RIMBP2: variants seen among roughly 807,000 people sequenced by gnomAD.
The protein encoded by RIMBP2 is RIMS-binding protein 2.
Under a neutral mutation model 118.6 loss-of-function variants are expected in RIMBP2, and 48 were observed. The ratio of observed to expected loss-of-function variants is 0.40; its 90% CI spans 0.32 to 0.51. RIMBP2 has a LOEUF of 0.51. RIMBP2 is among the 20% of genes least tolerant of loss of function. RIMBP2 has a pLI of 0.41. For synonymous variants in RIMBP2, 762 were observed against 742.9 expected (o/e 1.03, Z -0.42); for missense variants, 1,551 against 1,768.3 (o/e 0.88, Z 2.20).
At chr12:130,487,761 T>C (rs11060943) in intron 4 of RIMBP2, among the ~76,000 whole-genome samples, 1 of 152,152 alleles carries the variant, frequency 6.6e-6, no homozygotes, top group African/African-American at 2.4e-5. Flanking sequence ...ATCACAGGAC[T>C]TGTTTCCCTG....
intron 6 of RIMBP2, among the ~76,000 whole-genome samples, chr12:130,468,772 T>G (rs2080742311): frequency 6.6e-6 from 1 of 152,152 alleles, no homozygotes; most frequent in East Asian, 1.9e-4. Flanking sequence ...TCTCAACAAC[T>G]CTGGCCCAAG....
At position 130,442,685 on chromosome 12, in the gene RIMBP2, T is replaced by C. The variant is rs2078227581; in HGVS notation, c.692-25A>G. On this transcript the variant is annotated intron_variant, in intron 10 of 22. Transcript: ENST00000690449. This position sits in a 1 kb window ranked among gnomAD's most constrained non-coding sequence, Gnocchi z 6.9. ...CCTGTTGGGTACAAGGACAGAGTTA[T>C]CACCCAGCCAACACAGCAGGGGCCT... 3.8e-6 allele frequency: 6 copies of C among 1,596,776 alleles called. No homozygotes were observed. The highest frequency in any genetic ancestry group is 5.1e-6 in the Non-Finnish European group (6 of 1,168,946).
At chr12:130,627,112 G>A (rs573498696) in intron 2 of RIMBP2, among the ~76,000 whole-genome samples, 26 of 151,806 alleles carry the variant, frequency 1.7e-4, no homozygotes, top group East Asian at 1.2e-3. Flanking sequence ...TACAACTACC[G>A]CCAGCATCAT....
chr12:130,618,424 G>A (rs944273925), intron 2 of RIMBP2, among the ~76,000 whole-genome samples: 3 of 152,160 alleles, frequency 2.0e-5, no homozygotes, highest in South Asian at 2.1e-4. Flanking sequence ...GCCCCACAGC[G>A]GATCCTACTG....
In RIMBP2 at chr12:130,422,615, G is replaced by C; in HGVS notation, c.3130-54C>G. 7.8e-7 allele frequency: 1 copy of C among 1,273,978 alleles called. No individual in the cohort carries two copies. Among genetic ancestry groups the C allele is most frequent in the Non-Finnish European group, 1.1e-6 (1 of 897,264 alleles). The allele number at this position is 1,273,978 out of a possible 1,614,324, so 78.9% of individuals were successfully genotyped here. ...AGTCTCGCCAGCATTGGGAACTGAA[G>C]AATTCAGTTAGCCAAATCAAGCGGG... On this transcript the variant is annotated intron_variant, in intron 16 of 22. Transcript: ENST00000690449. This position sits in a 1 kb window ranked among gnomAD's most constrained non-coding sequence, Gnocchi z 5.2.
At chr12:130,498,113 AG>A (rs2049366824) in intron 4 of RIMBP2, among the ~76,000 whole-genome samples, 1 of 151,788 alleles carries the variant, frequency 6.6e-6, no homozygotes, top group African/African-American at 2.4e-5. Context: ...TTCTCCATGA[AG>A]GCAGCACTGA....
intron 1 of RIMBP2, among the ~76,000 whole-genome samples, chr12:130,713,034 T>A: frequency 6.8e-6 from 1 of 146,232 alleles, no homozygotes; most frequent in Non-Finnish European, 1.5e-5. Context: ...AGAGAGAGAC[T>A]GAGAGAGGGA....
At chr12:130,634,881 G>C (rs991701817) in intron 1 of RIMBP2, among the ~76,000 whole-genome samples, 1 of 152,112 alleles carries the variant, frequency 6.6e-6, no homozygotes, top group African/African-American at 2.4e-5. Context: ...TTACAGGCCT[G>C]AGCCACCACA....
At chr12:130,629,973 T>A (rs1306961381) in intron 1 of RIMBP2, among the ~76,000 whole-genome samples, 2 of 44,342 alleles carry the variant, frequency 4.5e-5, no homozygotes, top group African/African-American at 9.6e-5. Flanking sequence ...CAATCAAGCT[T>A]TAAAAAAAAA....
intron 1 of RIMBP2, among the ~76,000 whole-genome samples, chr12:130,713,453 G>C (rs192162676): frequency 1.8e-4 from 27 of 152,314 alleles, no homozygotes; most frequent in African/African-American, 6.3e-4. Context: ...CCACACCATA[G>C]GGGATCAGAC....
intron 2 of RIMBP2, among the ~76,000 whole-genome samples, chr12:130,619,113 G>A (rs1192085755): frequency 6.6e-6 from 1 of 152,180 alleles, no homozygotes; most frequent in African/African-American, 2.4e-5. Context: ...TTCCCATTAT[G>A]TTAGTGTTAA....
At chr12:130,478,399 T>C (rs937064226) in intron 5 of RIMBP2, among the ~76,000 whole-genome samples, 19 of 152,214 alleles carry the variant, frequency 1.2e-4, no homozygotes, top group Non-Finnish European at 2.6e-4. Flanking sequence ...CTGGTGTGGA[T>C]GGACCATGGT....
intron 15 of RIMBP2, chr12:130,425,458 A>G (rs4759461): frequency 0.27 from 40,942 of 152,314 alleles, 6,345 homozygotes; most frequent in East Asian, 0.64. Flanking sequence ...CCCCACCAAC[A>G]GCGCCCGCAC....
At position 130,683,605 on chromosome 12, in the gene RIMBP2, C is replaced by T. The variant is rs2064903523; in HGVS notation, c.-352+32617G>A. On this transcript the variant is annotated intron_variant, in intron 1 of 22. Transcript: ENST00000690449. The surrounding 1 kb of genome is among the most constrained non-coding windows in gnomAD (Gnocchi z 4.4). Reference sequence around the variant, plus strand: ...GATGAGATAGGAGGTCGACAAAAGACACAGGTCATAAAGACCTTGCGGATA... The same window carrying T: ...GATGAGATAGGAGGTCGACAAAAGATACAGGTCATAAAGACCTTGCGGATA... Among the ~76,000 whole-genome samples, 1 of 152,204 alleles carries T rather than the reference C, an allele frequency of 6.6e-6. No individual in the cohort carries two copies. Among genetic ancestry groups the T allele is most frequent in the South Asian group, 2.1e-4 (1 of 4,828 alleles).
chr12:130,448,846 GT>G (rs1236452160), intron 9 of RIMBP2, among the ~76,000 whole-genome samples: 1 of 152,264 alleles, frequency 6.6e-6, no homozygotes, highest in Non-Finnish European at 1.5e-5. Flanking sequence ...TCAGAAATGG[GT>G]TTGCTTTGGT....
intron 6 of RIMBP2, among the ~76,000 whole-genome samples, chr12:130,464,078 C>G (rs1437417413): frequency 6.6e-6 from 1 of 152,088 alleles, no homozygotes; most frequent in Non-Finnish European, 1.5e-5. Flanking sequence ...AACTGCCCAC[C>G]CTCCCCCGAC....
rs866256491 is a variant in RIMBP2, at chr12:130,634,239, C to T, written c.-351-5783G>A. Among the ~76,000 whole-genome samples, 10 of 152,076 alleles carry T rather than the reference C, an allele frequency of 6.6e-5. No homozygotes were observed. In the East Asian group the frequency reaches 9.6e-4, roughly 15 times the overall value. ...AATTACATATCCTTGGGAGCGGAGA[C>T]GGGGAGGCGGGTAATGCCACCTGTT... On this transcript the variant is annotated intron_variant, in intron 1 of 22. Coordinates refer to ENST00000690449, the MANE Select transcript of RIMBP2 (RefSeq NM_001393629.1).
At chr12:130,686,802 A>C (rs1322436828) in intron 1 of RIMBP2, among the ~76,000 whole-genome samples, 1 of 152,118 alleles carries the variant, frequency 6.6e-6, no homozygotes, top group East Asian at 1.9e-4. Flanking sequence ...CGGAGGAGGA[A>C]GGGGTGTGGA....
chr12:130,513,471 T>C (rs1168098669), intron 3 of RIMBP2, among the ~76,000 whole-genome samples: 1 of 152,174 alleles, frequency 6.6e-6, no homozygotes, highest in Non-Finnish European at 1.5e-5. Flanking sequence ...GACGAAAACC[T>C]TGAACCTCAG....
Sources: allele counts gnomAD v4.1 joint callset (sites outside exome capture counted in the v4.1 genomes callset), GRCh38; gene constraint gnomAD v4.1.1; non-coding constraint Gnocchi (gnomAD v3.1); transcripts MANE v1.5; gene names NCBI Gene and HGNC (gene_info 2026-07-23, HGNC 2026-07-21).